AOX1: variants seen among roughly 807,000 people sequenced by gnomAD.
The protein encoded by AOX1 is aldehyde oxidase.
A neutral mutation model predicts 169.5 loss-of-function variants in AOX1; 153 were observed. The ratio of observed to expected loss-of-function variants is 0.90; its 90% confidence interval spans 0.79 to 1.03. The LOEUF is 1.03. AOX1 is among the 50% of genes least tolerant of loss of function. The pLI is 0.00. For missense variants in AOX1, 1,656 were observed against 1,663.9 expected (o/e 1.00, Z 0.08); for synonymous variants, 562 against 581.9 (o/e 0.97, Z 0.49).
chr2:200,621,266 T>C lies in AOX1; in HGVS notation c.2001+20T>C. ...GATAAGGTACTGCATTTTTGCTTTC[T>C]ATTTGAAAAATAACTTTCTCAGTTA... is the stretch of plus-strand genomic sequence containing the variant. On this transcript the variant is annotated intron_variant, in intron 18 of 34. Transcript: ENST00000374700. 6.2e-7 allele frequency: 1 copy of C among 1,605,310 alleles called. No homozygotes were observed. Among genetic ancestry groups the C allele is most frequent in the Non-Finnish European group, 8.5e-7 (1 of 1,177,672 alleles).
rs1015819211 is a variant in AOX1, at chr2:200,642,863, G to T, written c.2847+62G>T. 7.3e-6 allele frequency: 11 copies of T among 1,504,188 alleles called. 1 individual carries two copies. Among genetic ancestry groups the T allele is most frequent in the South Asian group, 5.1e-5 (4 of 78,682 alleles). The allele number at this position is 1,504,188 out of a possible 1,614,324, so 93.2% of individuals were successfully genotyped here. ...AATGTCAGAGACGGTAGGGCCTTTGGGGGCCATTCAGGTTGAGGAATTTGA... is the reference window on the plus strand; with the variant it reads ...AATGTCAGAGACGGTAGGGCCTTTGTGGGCCATTCAGGTTGAGGAATTTGA... On this transcript the variant is annotated intron_variant, in intron 25 of 34. Coordinates refer to ENST00000374700, the MANE Select transcript of AOX1 (RefSeq NM_001159.4).
chr2:200,652,963 G>A (rs540022416), intron 26 of AOX1, among the ~76,000 whole-genome samples: 1 of 152,154 alleles, frequency 6.6e-6, no homozygotes, highest in African/African-American at 2.4e-5. Context: ...AGTACTTTTA[G>A]GTATTTCATT....
intron 29 of AOX1, 148 bp downstream of exon 29, chr2:200,660,217 C>G: frequency 1.5e-6 from 1 of 670,556 alleles, no homozygotes; most frequent in Non-Finnish European, 2.5e-6. Flanking sequence ...CCCTTTGGCT[C>G]TTAGCATGTG....
chr2:200,588,565 A>G (rs2034087915), intron 1 of AOX1, among the ~76,000 whole-genome samples: 1 of 152,114 alleles, frequency 6.6e-6, no homozygotes, highest in African/African-American at 2.4e-5. Context: ...TTATTTGTAA[A>G]GTATAATCTG....
intron 4 of AOX1, among the ~76,000 whole-genome samples, chr2:200,598,721 G>T (rs1401004179): frequency 6.6e-6 from 1 of 150,596 alleles, no homozygotes; most frequent in Non-Finnish European, 1.5e-5. Context: ...CTCCAGCCTG[G>T]CAACAGAGCA....
Position 200,663,033 on chromosome 2 carries a change from A to G in AOX1, c.3543+64A>G. ...GATGCACCTAAATTCCACAGATGCC[A>G]TCTATCTGAGGAGAGCTTAGTGAGT... On this transcript the variant is annotated intron_variant, in intron 31 of 34. Coordinates refer to ENST00000374700, the MANE Select transcript of AOX1 (RefSeq NM_001159.4). The G allele has an allele frequency of 7.0e-6, 9 of 1,294,236 alleles. No homozygotes were observed. The South Asian group carries it at 1.1e-4, about 16-fold the overall frequency. 80.2% of individuals were successfully genotyped at this position (1,294,236 alleles called of 1,614,324 possible).
At chr2:200,671,970 TA>T (rs931212386), downstream of AOX1, among the ~76,000 whole-genome samples, 4 of 150,798 alleles carry the variant, frequency 2.7e-5, no homozygotes, top group African/African-American at 4.9e-5. Flanking sequence ...TTTGGCCATA[TA>T]AAAAAAAAGC....
chr2:200,682,164 A>AT, the AOX1 span, among the ~76,000 whole-genome samples: 7 of 152,146 alleles, frequency 4.6e-5, no homozygotes, highest in Admixed American at 4.6e-4. Context: ...ATACTTTTAA[A>AT]TTTTTATGCT....
At chr2:200,595,146 T>A in intron 2 of AOX1, 126 bp from the exon 3 acceptor site, 1 of 500,524 alleles carries the variant, frequency 2.0e-6, no homozygotes, top group Non-Finnish European at 3.5e-6. Context: ...AAACACATTA[T>A]TTGATGAATA....
At chr2:200,624,592 G>C (rs2034962662) in intron 19 of AOX1, among the ~76,000 whole-genome samples, 1 of 152,206 alleles carries the variant, frequency 6.6e-6, no homozygotes, top group African/African-American at 2.4e-5. Flanking sequence ...CCAACAGGAT[G>C]TTCCATGAAG....
rs185289002 is a variant in AOX1, at chr2:200,625,431, C to T, written c.2124+1448C>T. 4.6e-5 allele frequency among the ~76,000 whole-genome samples: 7 copies of T among 152,200 alleles called. No individual in the cohort carries two copies. In the East Asian group the frequency reaches 9.6e-4, roughly 21 times the overall value. On this transcript the variant is annotated intron_variant, in intron 19 of 34. Coordinates refer to ENST00000374700, the MANE Select transcript of AOX1 (RefSeq NM_001159.4). ...CAAATATAATAGATGCCACTCCCCCCACCCTCACCACTTCAACCAGCAGAC... is the reference window on the plus strand; with the variant it reads ...CAAATATAATAGATGCCACTCCCCCTACCCTCACCACTTCAACCAGCAGAC...
chr2:200,611,287 G>A (rs761009458), intron 12 of AOX1, 97 bp from the exon 13 acceptor site: 31 of 814,218 alleles, frequency 3.8e-5, no homozygotes, highest in East Asian at 1.2e-4. Flanking sequence ...CTGAACAACC[G>A]GTTTCCTCAG....
Position 200,603,328 on chromosome 2 carries a change from G to T in AOX1, c.560G>T (p.Gly187Val). 1 of 1,613,952 alleles carries T rather than the reference G, an allele frequency of 6.2e-7. No homozygotes were observed. Among genetic ancestry groups the T allele is most frequent in the Non-Finnish European group, 8.5e-7 (1 of 1,179,894 alleles). The change falls in exon 7 of 35, where the codon GGA becomes GTA. Residue 187 changes from glycine (G) to valine (V), a missense_variant. Coordinates refer to ENST00000374700, the MANE Select transcript of AOX1 (RefSeq NM_001159.4). ...TGCTGTTTGGATCAAGGAATCAATGGATTGCCAGAATTTGAGGAAGGAAGT... is the reference window on the plus strand; with the variant it reads ...TGCTGTTTGGATCAAGGAATCAATGTATTGCCAGAATTTGAGGAAGGAAGT... ...GVCCLDQGINGLPEFEEGSKT... is the reference protein window; with the variant it reads ...GVCCLDQGINVLPEFEEGSKT...
chr2:200,630,210 TAAAAAAAAAAAAA>T (rs57410809), intron 20 of AOX1, among the ~76,000 whole-genome samples: 14,303 of 95,630 alleles, frequency 0.15, 1,289 homozygotes, highest in East Asian at 0.5. Flanking sequence ...TCCTTCTATT[TAAAAAAAAAAAAA>T]AAAAAAAAAA....
Position 200,634,964 on chromosome 2 carries a change from A to G in AOX1, c.2346+49A>G. 2.5e-6 allele frequency: 4 copies of G among 1,599,766 alleles called. No individual in the cohort carries two copies. In the South Asian group the frequency reaches 4.5e-5, roughly 18 times the overall value. ...GGACATGGCTAAATGATTTCTGGCC[A>G]GTGAAATATATCAAGAGCAATTAGA... On this transcript the variant is annotated intron_variant, in intron 21 of 34. Coordinates refer to ENST00000374700, the MANE Select transcript of AOX1 (RefSeq NM_001159.4).
chr2:200,665,698 C>T (rs905404593), intron 31 of AOX1, among the ~76,000 whole-genome samples: 2 of 152,224 alleles, frequency 1.3e-5, no homozygotes, highest in Admixed American at 1.3e-4. Flanking sequence ...TCCCAAAGTG[C>T]TGGGATTACA....
At chr2:200,677,550 A>G (rs535416806), downstream of AOX1, among the ~76,000 whole-genome samples, 88 of 152,352 alleles carry the variant, frequency 5.8e-4, 3 homozygotes, top group South Asian at 0.016. Flanking sequence ...GCAAATAATT[A>G]CAAAACTTTT....
At chr2:200,589,566 C>A (rs78673877) in intron 1 of AOX1, among the ~76,000 whole-genome samples, 24,242 of 152,132 alleles carry the variant, frequency 0.16, 2,244 homozygotes, top group Non-Finnish European at 0.21. Context: ...AATAACAGAA[C>A]CTTTTCCCTT....
intron 20 of AOX1, 124 bp from the exon 21 acceptor site, chr2:200,634,667 T>G: frequency 8.5e-7 from 1 of 1,175,552 alleles, no homozygotes; most frequent in Non-Finnish European, 1.2e-6. Flanking sequence ...TGTTGTTTGT[T>G]ATACTTCACT....
Sources: gnomAD v4.1 joint callset for allele counts (sites outside exome capture counted in the v4.1 genomes callset) on GRCh38, gnomAD v4.1.1 for gene constraint, MANE v1.5 for transcripts, NCBI Gene and HGNC (gene_info 2026-07-23, HGNC 2026-07-21) for gene names.